FBLN2: variants seen among roughly 807,000 people sequenced by gnomAD.
FBLN2 encodes fibulin-2.
FBLN2 carries 81 observed loss-of-function variants against 123.7 expected under a neutral mutation model. The ratio of observed to expected loss-of-function variants is 0.65; its 90% CI spans 0.55 to 0.79. FBLN2 has a LOEUF of 0.79. Among genes scored for constraint, FBLN2 ranks in the 30% least tolerant of loss-of-function variants. The pLI, the probability that FBLN2 is intolerant of heterozygous loss-of-function variation, is 0.00. For missense variants in FBLN2, 1,603 were observed against 1,681.3 expected, an observed-to-expected ratio of 0.95 and a Z score of 0.81; for synonymous variants, 699 against 701.4, an observed-to-expected ratio of 1.00 and a Z score of 0.05.
At chr3:13,608,349 G>T (rs867070995) in intron 3 of FBLN2, among the ~76,000 whole-genome samples, 176 bp downstream of exon 3, 11 of 152,254 alleles carry the variant, frequency 7.2e-5, no homozygotes, top group African/African-American at 2.7e-4. Flanking sequence ...TTCTCCAGGG[G>T]TGGAAAGTCC....
At chr3:13,586,497 T>TG (rs1489983678) in intron 2 of FBLN2, among the ~76,000 whole-genome samples, 3 of 139,504 alleles carry the variant, frequency 2.2e-5, no homozygotes, top group East Asian at 2.0e-4. Context: ...TCTTAGTTGT[T>TG]TTTTTTTTTT....
At chr3:13,555,532 G>A (rs1161836385) in intron 1 of FBLN2, among the ~76,000 whole-genome samples, 2 of 151,896 alleles carry the variant, frequency 1.3e-5, no homozygotes, top group African/African-American at 4.8e-5. Context: ...TCGGCTCACT[G>A]CAAGCTCCGC....
intron 10 of FBLN2, among the ~76,000 whole-genome samples, 200 bp downstream of exon 10, chr3:13,626,779 G>A (rs983538583): frequency 3.3e-5 from 5 of 152,168 alleles, no homozygotes; most frequent in South Asian, 2.1e-4. Context: ...TGTTTGGGGC[G>A]GAGATGGGAG....
intron 2 of FBLN2, among the ~76,000 whole-genome samples, chr3:13,578,636 ATGCAGC>A (rs1187453721): frequency 1.4e-5 from 2 of 146,512 alleles, no homozygotes; most frequent in African/African-American, 5.1e-5. Context: ...ATTATGAGTA[ATGCAGC>A]TATATATATT....
At chr3:13,607,171 A>G (rs1006242162) in intron 2 of FBLN2, among the ~76,000 whole-genome samples, 2 of 151,874 alleles carry the variant, frequency 1.3e-5, no homozygotes, top group African/African-American at 4.8e-5. Context: ...TATTTTTAGT[A>G]GAGACAGGGT....
intron 2 of FBLN2, among the ~76,000 whole-genome samples, chr3:13,600,089 C>T (rs1203839854): frequency 1.1e-5 from 1 of 88,360 alleles, no homozygotes; most frequent in African/African-American, 7.8e-5. Flanking sequence ...GAGCGCCAGG[C>T]AGGGGCTGGG....
In FBLN2 at chr3:13,618,217, T is replaced by A. The variant is rs774073246; in HGVS notation, c.1871T>A (p.Val624Glu). 9 of 1,613,790 alleles carry A rather than the reference T, an allele frequency of 5.6e-6. No individual in the cohort carries two copies. In the South Asian group the frequency reaches 8.8e-5, roughly 16 times the overall value. Residue 624 changes from valine (V) to glutamate (E), a missense_variant, in exon 6 of 18, where the codon GTG becomes GAG. By Grantham distance (121) the Val-to-Glu change is moderately radical. Transcript: ENST00000404922. ...TGCCAGCACCTTTGCATCAATACTGTGGGTTCTTACCACTGTGCCTGCTTT... is the reference window on the plus strand; with the variant it reads ...TGCCAGCACCTTTGCATCAATACTGAGGGTTCTTACCACTGTGCCTGCTTT... ...ELCQHLCINT[V>E]GSYHCACFPG...
chr3:13,549,867 T>G (rs1331676037), intron 1 of FBLN2, among the ~76,000 whole-genome samples: 1 of 151,842 alleles, frequency 6.6e-6, no homozygotes, highest in Non-Finnish European at 1.5e-5. Context: ...CACACAATGC[T>G]CCACACACAC....
At chr3:13,563,518 GT>G (rs1703665320) in intron 1 of FBLN2, among the ~76,000 whole-genome samples, 1 of 152,152 alleles carries the variant, frequency 6.6e-6, no homozygotes, top group Admixed American at 6.5e-5. Flanking sequence ...CTGAGATGCA[GT>G]CTTGCCCAGC....
In FBLN2 at chr3:13,618,264, G is replaced by A. The variant is rs1319398671; in HGVS notation, c.1918G>A (p.Asp640Asn). Residue 640 changes from aspartate to asparagine, a missense_variant, in exon 6 of 18, where the codon GAT (aspartate) becomes AAT (asparagine). By Grantham distance (23) the Asp-to-Asn change is conservative. Transcript: ENST00000404922. ...ACFPGFSLQD[D>N]GRTCRPEGHP... ...CTTTCCTGGCTTCTCACTGCAGGAC[G>A]ATGGCCGCACTTGCCGCCCAGGTAA... 3.7e-6 allele frequency: 6 copies of A among 1,613,754 alleles called. No homozygotes were observed. Among genetic ancestry groups the A allele is most frequent in the African/African-American group, 1.3e-5 (1 of 74,954 alleles).
At chr3:13,625,918 C>T (rs1360474734) in intron 9 of FBLN2, among the ~76,000 whole-genome samples, 2 of 151,888 alleles carry the variant, frequency 1.3e-5, no homozygotes. Flanking sequence ...ACCTGCACAG[C>T]TGGCTTCCTT....
chr3:13,595,526 C>G (rs901493194), intron 2 of FBLN2, among the ~76,000 whole-genome samples: 3 of 152,206 alleles, frequency 2.0e-5, no homozygotes, highest in African/African-American at 7.2e-5. Flanking sequence ...CCCTCCCACC[C>G]TGTCCCTCCA....
intron 2 of FBLN2, among the ~76,000 whole-genome samples, chr3:13,586,495 G>GTTTT (rs1245229846): frequency 2.5e-4 from 30 of 117,774 alleles, no homozygotes; most frequent in African/African-American, 8.7e-4. Context: ...TGTCTTAGTT[G>GTTTT]TTTTTTTTTT....
At position 13,637,626 on chromosome 3, in the gene FBLN2, C is replaced by T. The variant is rs1706523691; in HGVS notation, c.3403C>T (p.His1135Tyr). ...ECQNSPARIT[H>Y]YQLNFQTGLL... is the part of the protein sequence containing the mutation. ...CCAGAACTCGCCAGCGCGCATCACGCACTACCAGCTCAACTTCCAGACGGG... is the reference window on the plus strand; with the variant it reads ...CCAGAACTCGCCAGCGCGCATCACGTACTACCAGCTCAACTTCCAGACGGG... The change falls in exon 18 of 18, where the codon CAC becomes TAC. Residue 1135 changes from histidine to tyrosine, a missense_variant. Transcript: ENST00000404922. The T allele has an allele frequency of 1.2e-6, 2 of 1,613,976 alleles. No homozygotes were observed. Among genetic ancestry groups the T allele is most frequent in the Admixed American group, 3.3e-5 (2 of 60,022 alleles).
intron 10 of FBLN2, among the ~76,000 whole-genome samples, chr3:13,626,848 T>C (rs1019654893): frequency 2.0e-5 from 3 of 152,182 alleles, no homozygotes; most frequent in African/African-American, 7.2e-5. Context: ...CCTGCTGGTG[T>C]CTGGGTGCCA....
chr3:13,633,483 A>G (rs1706332806), intron 16 of FBLN2, among the ~76,000 whole-genome samples: 1 of 152,256 alleles, frequency 6.6e-6, no homozygotes, highest in Non-Finnish European at 1.5e-5. Flanking sequence ...CATGGTGGGC[A>G]AGGGCACAGT....
At chr3:13,636,170 T>C (rs566487423) in intron 16 of FBLN2, among the ~76,000 whole-genome samples, 1 of 152,286 alleles carries the variant, frequency 6.6e-6, no homozygotes, top group East Asian at 1.9e-4. Context: ...AGCCTTGCAC[T>C]GTGTGGCTTG....
rs1267532118 is a variant in FBLN2 at position 13,618,293 on chromosome 3, C to A, written c.1939+8C>A. ...GCCGCACTTGCCGCCCAGGTAAGGG[C>A]CCTGATGGCCAGGGCAGGGGCTATG... On this transcript the variant is annotated splice_region_variant and intron_variant, in intron 6 of 17. Coordinates refer to ENST00000404922, the MANE Select transcript of FBLN2 (RefSeq NM_001004019.2). The A allele has an allele frequency of 1.2e-6, 2 of 1,613,436 alleles. No homozygotes were observed. Among genetic ancestry groups the A allele is most frequent in the Non-Finnish European group, 1.7e-6 (2 of 1,179,736 alleles).
At chr3:13,599,143 C>T (rs1161964490) in intron 2 of FBLN2, among the ~76,000 whole-genome samples, 1 of 152,114 alleles carries the variant, frequency 6.6e-6, no homozygotes, top group Non-Finnish European at 1.5e-5. Flanking sequence ...CCAAGGCTCC[C>T]CAAGATGACT....
Sources: allele counts gnomAD v4.1 joint callset (sites outside exome capture counted in the v4.1 genomes callset), GRCh38; gene constraint gnomAD v4.1.1; transcripts MANE v1.5; gene names NCBI Gene and HGNC (gene_info 2026-07-23, HGNC 2026-07-21).